Variants in UBXN4 observed in about 807,000 individuals in gnomAD.
UBXN4 encodes the protein UBX domain protein 4, also known as UBX domain-containing protein 4.
UBXN4 carries 35 observed loss-of-function variants against 66.2 expected under a neutral mutation model. The ratio of observed to expected loss-of-function variants is 0.53; its 90% CI spans 0.40 to 0.70. The LOEUF is 0.70. Among genes scored for constraint, UBXN4 ranks in the 30% least tolerant of loss-of-function variants. UBXN4 has a pLI of 0.00. For synonymous variants in UBXN4, 203 were observed against 204.5 expected (o/e 0.99, Z 0.06); for missense variants, 533 against 599.8 (o/e 0.89, Z 1.16).
At chr2:135,774,749 G>T (rs1218904317) in intron 9 of UBXN4, among the ~76,000 whole-genome samples, 5 of 152,032 alleles carry the variant, frequency 3.3e-5, no homozygotes, top group African/African-American at 7.2e-5. Context: ...GGAGGCTGAA[G>T]CATGAGAATC....
intron 4 of UBXN4, among the ~76,000 whole-genome samples, chr2:135,755,140 A>G (rs2077271907): frequency 6.6e-6 from 1 of 152,208 alleles, no homozygotes; most frequent in Non-Finnish European, 1.5e-5. Context: ...GTTGAAAGAG[A>G]AAGTTGCTGT....
At chr2:135,771,118 G>T (rs575575229) in intron 8 of UBXN4, among the ~76,000 whole-genome samples, 119 of 149,664 alleles carry the variant, frequency 8.0e-4, no homozygotes, top group Non-Finnish European at 1.5e-3. Flanking sequence ...AACATTGAAA[G>T]GATTTAGGCA....
intron 9 of UBXN4, among the ~76,000 whole-genome samples, chr2:135,773,047 A>C (rs1207914818): frequency 2.6e-5 from 4 of 151,866 alleles, no homozygotes; most frequent in African/African-American, 9.7e-5. Flanking sequence ...CAAAAAAAAA[A>C]AAAAAAAAAA....
chr2:135,744,674 G>A (rs1173499173), intron 1 of UBXN4, among the ~76,000 whole-genome samples: 1 of 152,112 alleles, frequency 6.6e-6, no homozygotes, highest in Non-Finnish European at 1.5e-5. Context: ...GCAACTCTTT[G>A]CTTCTGAGTT....
chr2:135,767,327 C>T (rs2077355005), intron 6 of UBXN4, among the ~76,000 whole-genome samples: 1 of 152,064 alleles, frequency 6.6e-6, no homozygotes, highest in South Asian at 2.1e-4. Context: ...TGCCACTGCA[C>T]TCCAGCCTGG....
rs1177728190 is a variant in UBXN4, at chr2:135,761,994, A to G, written c.602+83A>G. 7 of 1,357,968 alleles carry G rather than the reference A, an allele frequency of 5.2e-6. No homozygotes were observed. The East Asian group carries it at 1.5e-4, about 28-fold the overall frequency. The allele number at this position is 1,357,968 out of a possible 1,614,324, so 84.1% of individuals were successfully genotyped here. A position where few individuals can be genotyped will look rare whatever the true frequency, so the allele number is the denominator to read the frequency against. On this transcript the variant is annotated intron_variant, in intron 6 of 12. Coordinates refer to ENST00000272638, the MANE Select transcript of UBXN4 (RefSeq NM_014607.4). ...TTTCATTAATTTGAATTAAAGCTAA[A>G]GTTATACAAATGAAGTTTTAGAATT...
chr2:135,781,760 C>T (rs1865452), intron 12 of UBXN4, among the ~76,000 whole-genome samples: 32,666 of 152,094 alleles, frequency 0.21, 4,013 homozygotes, highest in Middle Eastern at 0.57. Context: ...TATAGGAGAG[C>T]TCGTTGTATG....
intron 4 of UBXN4, 51 bp downstream of exon 4, chr2:135,754,328 A>G (rs754457664): frequency 3.2e-6 from 4 of 1,236,266 alleles, no homozygotes; most frequent in Non-Finnish European, 4.5e-6. Context: ...CAGGAATTGG[A>G]TTTTTTTTTT....
Position 135,742,009 on chromosome 2 carries a change from C to G in UBXN4, c.80C>G (p.Ala27Gly). The G allele has an allele frequency of 6.2e-7, 1 of 1,613,018 alleles. No homozygotes were observed. The highest frequency in any genetic ancestry group is 8.5e-7 in the Non-Finnish European group (1 of 1,179,562). The change falls in exon 1 of 13, where the codon GCA becomes GGA. Residue 27 changes from alanine (A) to glycine (G), a missense_variant and splice_region_variant. Ala to Gly is a moderately conservative substitution (Grantham distance 60). Coordinates refer to ENST00000272638, the MANE Select transcript of UBXN4 (RefSeq NM_014607.4). Reference protein sequence around the residue: ...RSGAVFVVFVAGDDEQSTQMA... With the variant: ...RSGAVFVVFVGGDDEQSTQMA... ...GGCGCGGTCTTCGTGGTGTTCGTGG[C>G]AGGTGAAGGAGGCAGGGGTTCGAGA... is the stretch of plus-strand genomic sequence containing the variant.
At position 135,761,704 on chromosome 2, in the gene UBXN4, TA is replaced by T. The variant is rs1014356512; in HGVS notation, c.509-113del. On this transcript the variant is annotated intron_variant, in intron 5 of 12. Transcript: ENST00000272638. ...GCTCCTTCTCCATTTTTAGGGAAAA[TA>T]TATAATGCTTAAGATATAAAATTAT... The T allele has an allele frequency of 3.4e-6, 3 of 875,220 alleles. No individual in the cohort carries two copies. The African/African-American group carries it at 5.2e-5, about 15-fold the overall frequency. 54.2% of individuals were successfully genotyped at this position (875,220 alleles called of 1,614,324 possible). A position where few individuals can be genotyped will look rare whatever the true frequency, so the allele number is the denominator to read the frequency against.
Position 135,783,326 on chromosome 2 carries a change from C to T in UBXN4, c.*439C>T, listed in dbSNP as rs1364394425. 6.6e-6 allele frequency: 1 copy of T among 152,586 alleles called. No individual in the cohort carries two copies. The highest frequency in any genetic ancestry group is 1.5e-5 in the Non-Finnish European group (1 of 68,304). The allele number at this position is 152,586 out of a possible 1,614,324, so 9.5% of individuals were successfully genotyped here. ...CACTCAGATGAGAATTTATGTTTAACTTCTCTTTTTACTCATCAGCTGCAA... is the reference window on the plus strand; with the variant it reads ...CACTCAGATGAGAATTTATGTTTAATTTCTCTTTTTACTCATCAGCTGCAA... On this transcript the variant is annotated 3_prime_UTR_variant, in exon 13 of 13. Coordinates refer to ENST00000272638, the MANE Select transcript of UBXN4 (RefSeq NM_014607.4).
At chr2:135,778,125 C>G (rs2077428914) in intron 10 of UBXN4, among the ~76,000 whole-genome samples, 2 of 143,558 alleles carry the variant, frequency 1.4e-5, no homozygotes, top group South Asian at 4.4e-4. Context: ...TGCAGTGAGC[C>G]AAGATCGCGC....
chr2:135,754,392 G>T, intron 4 of UBXN4, 115 bp downstream of exon 4: 1 of 754,304 alleles, frequency 1.3e-6, no homozygotes. Flanking sequence ...TGTGATCTCA[G>T]CTCAAGTGCA....
Position 135,780,314 on chromosome 2 carries a change from C to T in UBXN4, c.1317C>T (p.Pro439=), listed in dbSNP as rs747034148. ...ISNFLFSNPP[P]TQTSVRVTSS... ...ATTTCTTGTTTAGTAATCCGCCTCC[C>T]ACACAGACTTCAGTGAGAGTAACAT... Residue 439 remains proline, a synonymous_variant, in exon 12 of 13, where the codon CCC becomes CCT. Coordinates refer to ENST00000272638, the MANE Select transcript of UBXN4 (RefSeq NM_014607.4). 1 of 1,614,050 alleles carries T rather than the reference C, an allele frequency of 6.2e-7. No individual in the cohort carries two copies. Among genetic ancestry groups the T allele is most frequent in the African/African-American group, 1.3e-5 (1 of 74,930 alleles).
At chr2:135,755,937 C>A (rs1055680741) in intron 5 of UBXN4, among the ~76,000 whole-genome samples, 1 of 152,070 alleles carries the variant, frequency 6.6e-6, no homozygotes. Flanking sequence ...TCTGCTATTG[C>A]GCTGCATGCT....
At chr2:135,761,384 C>T (rs1306395324) in intron 5 of UBXN4, among the ~76,000 whole-genome samples, 1 of 151,770 alleles carries the variant, frequency 6.6e-6, no homozygotes, top group Admixed American at 6.6e-5. Context: ...ATAGCCACAG[C>T]CACATTTTAA....
rs1254745047 is a variant in UBXN4 at position 135,770,622 on chromosome 2, G to A, written c.709G>A (p.Asp237Asn). 3 of 1,551,558 alleles carry A rather than the reference G, an allele frequency of 1.9e-6. No homozygotes were observed. The highest frequency in any genetic ancestry group is 2.8e-5 in the African/African-American group (2 of 71,544). Reference protein sequence around the residue: ...ERRKTGKEMLDYKRKQEEELT... With the variant: ...ERRKTGKEMLNYKRKQEEELT... ...GAGAAAAACTGGAAAAGAAATGTTG[G>A]ATTATAAAAGAAAACAAGAAGAAGA... The change falls in exon 8 of 13, where the codon GAT (aspartate) becomes AAT (asparagine). Residue 237 changes from aspartate (D) to asparagine (N), a missense_variant. Physicochemically the swap from Asp to Asn is conservative, Grantham distance 23. This residue lies in a region of UBXN4 where 529 missense variants were observed against 580.1 expected (regional missense o/e 0.91). Coordinates refer to ENST00000272638, the MANE Select transcript of UBXN4 (RefSeq NM_014607.4).
rs765038189 is a variant in UBXN4 at position 135,774,532 on chromosome 2, T to G, written c.951-1717T>G. Among the ~76,000 whole-genome samples, 81 of 152,254 alleles carry G rather than the reference T, an allele frequency of 5.3e-4. 1 individual carries two copies. Among genetic ancestry groups the G allele is most frequent in the Non-Finnish European group, 4.7e-4 (32 of 68,010 alleles). ...CTTCCAAAATTTAAAACTTTCGTGC[T>G]TTGAAGGATATCATCAAGAAAGTGC... On this transcript the variant is annotated intron_variant, in intron 9 of 12. Coordinates refer to ENST00000272638, the MANE Select transcript of UBXN4 (RefSeq NM_014607.4).
rs770933548 is a variant in UBXN4, at chr2:135,748,286, A to G, written c.102A>G (p.Thr34=). ...VFVAGDDEQS[T]QMAASWEDDK... is the part of the protein sequence containing the mutation. ...TTACAGGTGATGATGAACAGTCTACACAGATGGCTGCAAGTTGGGAAGATG... is the reference window on the plus strand; with the variant it reads ...TTACAGGTGATGATGAACAGTCTACGCAGATGGCTGCAAGTTGGGAAGATG... The change falls in exon 2 of 13, where the codon ACA becomes ACG. Residue 34 remains threonine (T), a synonymous_variant. Transcript: ENST00000272638. 1.2e-5 allele frequency: 20 copies of G among 1,607,028 alleles called. 1 individual carries two copies. In the South Asian group the frequency reaches 1.9e-4, roughly 15 times the overall value.
Sources: gnomAD v4.1 joint callset for allele counts (sites outside exome capture counted in the v4.1 genomes callset) on GRCh38, gnomAD v4.1.1 for gene constraint, gnomAD v4.1.1 regional missense constraint, MANE v1.5 for transcripts, NCBI Gene and HGNC (gene_info 2026-07-23, HGNC 2026-07-21) for gene names.